Variants in FRMPD4 observed in about 807,000 individuals in gnomAD.
FRMPD4 encodes the protein FERM and PDZ domain-containing protein 4.
In FRMPD4, 22 loss-of-function variants were observed where a neutral mutation model predicts 94.1. The ratio of observed to expected loss-of-function variants is 0.23; its 90% confidence interval spans 0.17 to 0.33. The LOEUF (loss-of-function observed/expected upper bound fraction) is 0.33, where lower values mean the gene tolerates loss of function less well. Among genes scored for constraint, FRMPD4 ranks in the 10% least tolerant of loss-of-function variants. The pLI is 1.00. For synonymous variants in FRMPD4, 631 were observed against 548.6 expected (o/e 1.15, Z -2.10); for missense variants, 1,111 against 1,339.9 (o/e 0.83, Z 2.67).
intron 4 of FRMPD4, among the ~76,000 whole-genome samples, chrX:12,651,067 A>G (rs2059591224): frequency 8.9e-6 from 1 of 112,614 alleles, no homozygotes; most frequent in South Asian, 3.7e-4. Flanking sequence ...CACAGAACAC[A>G]ATGATGGAAA....
intron 3 of FRMPD4, among the ~76,000 whole-genome samples, chrX:12,075,733 T>C (rs1037586498): frequency 8.9e-6 from 1 of 111,943 alleles, no homozygotes; most frequent in Non-Finnish European, 1.9e-5. Context: ...AACAGCAAAT[T>C]AGCAGCAAGA....
At chrX:12,546,877 G>C (rs990029226) in intron 2 of FRMPD4, among the ~76,000 whole-genome samples, 1 of 108,747 alleles carries the variant, frequency 9.2e-6, no homozygotes, top group Non-Finnish European at 1.9e-5. Flanking sequence ...ACCAGGCTGG[G>C]TGAGTGACTC....
intron 4 of FRMPD4, among the ~76,000 whole-genome samples, chrX:12,667,319 T>TGTTGTATGTTG (rs2059789948): frequency 8.9e-6 from 1 of 112,123 alleles, no homozygotes; most frequent in South Asian, 3.7e-4. Context: ...AATATCTTCC[T>TGTTGTATGTTG]ACATATCTTT....
At position 12,347,248 on chromosome X, in the gene FRMPD4, A is replaced by T. The variant is rs57493401; in HGVS notation, c.42-151432A>T. 5.2e-4 allele frequency among the ~76,000 whole-genome samples: 57 copies of T among 110,096 alleles called. 1 individual carries two copies. The East Asian group carries it at 0.016, about 30-fold the overall frequency. On this transcript the variant is annotated intron_variant, in intron 1 of 16. Coordinates refer to ENST00000675598, the MANE Select transcript of FRMPD4 (RefSeq NM_001368397.1). ...CAGAAGTTTTATTTTTTATGTTTTT[A>T]TTTTTTTGAGACAGGATCTTGCTCT...
At chrX:12,674,835 T>G in intron 4 of FRMPD4, 28 bp from the exon 5 acceptor site, 3 of 1,027,289 alleles carry the variant, frequency 2.9e-6, no homozygotes, top group Non-Finnish European at 4.1e-6. Context: ...GTGCATATCA[T>G]AAATATGTTT....
intron 1 of FRMPD4, among the ~76,000 whole-genome samples, chrX:11,851,597 G>T (rs1393136972): frequency 9.0e-6 from 1 of 111,396 alleles, no homozygotes; most frequent in Non-Finnish European, 1.9e-5. Context: ...ATGTCTCATT[G>T]TGTGGGCAGG....
chrX:12,662,927 T>C (rs1296694821), intron 4 of FRMPD4, among the ~76,000 whole-genome samples: 1 of 112,721 alleles, frequency 8.9e-6, no homozygotes, highest in Non-Finnish European at 1.9e-5. Context: ...CATTGTGGTT[T>C]TAATTTGCAT....
At chrX:11,923,783 G>A (rs1004447134) in intron 3 of FRMPD4, among the ~76,000 whole-genome samples, 5 of 112,134 alleles carry the variant, frequency 4.5e-5, no homozygotes, top group South Asian at 3.7e-4. Context: ...TCCAAAGGTC[G>A]GCAACCTCAA....
At chrX:12,625,335 C>T (rs1279318070) in intron 4 of FRMPD4, among the ~76,000 whole-genome samples, 1 of 111,588 alleles carries the variant, frequency 9.0e-6, no homozygotes, top group Non-Finnish European at 1.9e-5. Context: ...GATATCTGCA[C>T]TCTCGTGTTT....
At chrX:11,989,926 A>G (rs1008877482) in intron 3 of FRMPD4, among the ~76,000 whole-genome samples, 80 of 112,018 alleles carry the variant, frequency 7.1e-4, no homozygotes, top group Non-Finnish European at 3.6e-4. Flanking sequence ...TAAATGTAAA[A>G]TTACCAGAAT....
At chrX:12,543,481 A>G (rs1351374922) in intron 2 of FRMPD4, among the ~76,000 whole-genome samples, 1 of 112,646 alleles carries the variant, frequency 8.9e-6, no homozygotes, top group Non-Finnish European at 1.9e-5. Flanking sequence ...CAAAAGACAC[A>G]TGAAAAAATG....
At chrX:12,059,370 G>A (rs1341842433) in intron 3 of FRMPD4, among the ~76,000 whole-genome samples, 1 of 111,663 alleles carries the variant, frequency 9.0e-6, no homozygotes, top group Non-Finnish European at 1.9e-5. Context: ...TTGTTAAAGT[G>A]TTGTTCCCTT....
chrX:12,503,292 T>G (rs1044091477), intron 2 of FRMPD4, among the ~76,000 whole-genome samples: 2 of 111,790 alleles, frequency 1.8e-5, no homozygotes, highest in Non-Finnish European at 3.8e-5. Flanking sequence ...GGCTTTTTCT[T>G]GTTGGCCTGC....
At chrX:12,469,207 T>C (rs2057481582) in intron 1 of FRMPD4, among the ~76,000 whole-genome samples, 1 of 111,597 alleles carries the variant, frequency 9.0e-6, no homozygotes, top group African/African-American at 3.3e-5. Flanking sequence ...CATATGAAAC[T>C]AACAGGGGCC....
In FRMPD4 at chrX:12,614,846, C is replaced by T. The variant is rs765760989; in HGVS notation, c.387C>T (p.Ser129=). The T allele has an allele frequency of 9.3e-6, 11 of 1,183,636 alleles. No individual in the cohort carries two copies. The highest frequency in any genetic ancestry group is 2.2e-5 in the Admixed American group (1 of 45,610). ...TAATGATTAATGATGAACCGGTCAG[C>T]GCTGCACCCAGAGAGCGGGTCATCG... ...QIVMINDEPV[S]AAPRERVIDL... is the part of the protein sequence containing the mutation. The change falls in exon 4 of 17, where the codon AGC becomes AGT. Residue 129 remains serine (S), a synonymous_variant. Coordinates refer to ENST00000675598, the MANE Select transcript of FRMPD4 (RefSeq NM_001368397.1).
intron 1 of FRMPD4, among the ~76,000 whole-genome samples, chrX:12,150,068 A>T (rs967150358): frequency 1.1e-4 from 12 of 112,986 alleles, no homozygotes; most frequent in African/African-American, 3.5e-4. Context: ...TATAGTATAA[A>T]TGTAACTTTT....
In FRMPD4 at chrX:12,440,430, C is replaced by G. The variant is rs756949467; in HGVS notation, c.42-58250C>G. On this transcript the variant is annotated intron_variant, in intron 1 of 16. Coordinates refer to ENST00000675598, the MANE Select transcript of FRMPD4 (RefSeq NM_001368397.1). Reference sequence around the variant, plus strand: ...AGGGGAGGAGAAAGCCAAGCAAATGCAAAACTTCAGGGAATTCCTACAGAG... The same window carrying G: ...AGGGGAGGAGAAAGCCAAGCAAATGGAAAACTTCAGGGAATTCCTACAGAG... Among the ~76,000 whole-genome samples the G allele has an allele frequency of 9.0e-5, 10 of 111,621 alleles. No individual in the cohort carries two copies. The South Asian group carries it at 2.6e-3, about 29-fold the overall frequency.
At chrX:12,701,554 TCAATG>T (rs2060191126) in intron 9 of FRMPD4, among the ~76,000 whole-genome samples, 3 of 112,221 alleles carry the variant, frequency 2.7e-5, no homozygotes, top group Admixed American at 9.5e-5. Flanking sequence ...CATTATGCTA[TCAATG>T]CTGTGTGCAT....
intron 2 of FRMPD4, among the ~76,000 whole-genome samples, chrX:12,568,937 T>C (rs2058737322): frequency 8.9e-6 from 1 of 111,985 alleles, no homozygotes; most frequent in Admixed American, 9.5e-5. Context: ...GTGATCGTAT[T>C]AAGAGGTAGG....
Sources: allele counts gnomAD v4.1 joint callset (sites outside exome capture counted in the v4.1 genomes callset), GRCh38; gene constraint gnomAD v4.1.1; transcripts MANE v1.5; gene names NCBI Gene and HGNC (gene_info 2026-07-23, HGNC 2026-07-21).